Variants in EML4 observed in about 807,000 individuals in gnomAD.
EML4 encodes echinoderm microtubule-associated protein-like 4.
EML4 carries 72 observed loss-of-function variants against 129.0 expected under a neutral mutation model. That is an observed-to-expected ratio of 0.56 (90% CI 0.46 to 0.68). EML4 has a LOEUF of 0.68. Ranked by LOEUF, EML4 falls within the 30% of genes least tolerant of loss-of-function variation. The pLI, the probability that EML4 is intolerant of heterozygous loss-of-function variation, is 0.00. For missense variants in EML4, 1,363 were observed against 1,190.6 expected (o/e 1.14, Z -2.13); for synonymous variants, 532 against 405.0 (o/e 1.31, Z -3.77).
intron 3 of EML4, among the ~76,000 whole-genome samples, chr2:42,260,466 G>A (rs1198497675): frequency 3.9e-5 from 6 of 152,154 alleles, no homozygotes; most frequent in Admixed American, 2.0e-4. Flanking sequence ...GCGCCCAGCC[G>A]CCTCTGTGAT....
At chr2:42,232,279 T>C (rs1674397257) in intron 1 of EML4, among the ~76,000 whole-genome samples, 1 of 152,196 alleles carries the variant, frequency 6.6e-6, no homozygotes. Context: ...CTATATACTT[T>C]GATGTGCAAG....
In EML4 at chr2:42,326,202, A is replaced by G. The variant is rs1366933466; in HGVS notation, c.2291A>G (p.Lys764Arg). 6 of 1,613,888 alleles carry G rather than the reference A, an allele frequency of 3.7e-6. No individual in the cohort carries two copies. The highest frequency in any genetic ancestry group is 5.1e-6 in the Non-Finnish European group (6 of 1,179,866). ...CKLIRNRSDC[K>R]DIDWTTYTCV... ...CTAATCAGGAATCGATCGGATTGTA[A>G]GGACATTGATTGGACGACATATACC... The change falls in exon 21 of 23, where the codon AAG becomes AGG. Residue 764 changes from lysine (K) to arginine (R), a missense_variant. Transcript: ENST00000318522.
intron 1 of EML4, among the ~76,000 whole-genome samples, chr2:42,207,117 G>A (rs1347444823): frequency 3.9e-5 from 6 of 152,242 alleles, no homozygotes; most frequent in Admixed American, 2.0e-4. Flanking sequence ...ATATGTCAGC[G>A]TGATTATTGG....
chr2:42,187,624 A>G (rs951082568), intron 1 of EML4, among the ~76,000 whole-genome samples: 12 of 152,148 alleles, frequency 7.9e-5, no homozygotes, highest in Admixed American at 7.2e-4. Flanking sequence ...CCTAGCAACC[A>G]TGAATCTGTT....
intron 11 of EML4, among the ~76,000 whole-genome samples, chr2:42,292,352 A>G (rs1667696632): frequency 6.6e-6 from 1 of 152,240 alleles, no homozygotes; most frequent in Admixed American, 6.5e-5. Flanking sequence ...ATGGTAGCCA[A>G]AAACATGGAA....
intron 13 of EML4, among the ~76,000 whole-genome samples, chr2:42,297,868 T>C (rs1368419907): frequency 1.3e-5 from 2 of 152,214 alleles, no homozygotes; most frequent in Admixed American, 1.3e-4. Flanking sequence ...AAACTGTATT[T>C]TATGTCTTAA....
chr2:42,175,388 C>T (rs1485236692), intron 1 of EML4, among the ~76,000 whole-genome samples: 1 of 152,188 alleles, frequency 6.6e-6, no homozygotes, highest in Non-Finnish European at 1.5e-5. Context: ...GCTGGCATTA[C>T]AGACGTGAGC....
intron 1 of EML4, among the ~76,000 whole-genome samples, chr2:42,239,758 T>C (rs772185991): frequency 4.0e-4 from 48 of 120,370 alleles, no homozygotes; most frequent in Non-Finnish European, 6.5e-4. Flanking sequence ...TCCTACTCTA[T>C]AATAAAGGCG....
chr2:42,312,834 T>G lies in EML4; in HGVS notation c.1968-3128T>G, dbSNP rs1241515897. On this transcript the variant is annotated intron_variant, in intron 17 of 22. Transcript: ENST00000318522. ...TCTGAAAGTGCTGGGATTACAGGCA[T>G]GAGCCACTGCGCCTGGCCTGCCTGT... 6.6e-5 allele frequency among the ~76,000 whole-genome samples: 10 copies of G among 151,930 alleles called. No individual in the cohort carries two copies. In the East Asian group the frequency reaches 1.7e-3, roughly 26 times the overall value.
At chr2:42,296,333 T>C (rs1248790360) in intron 13 of EML4, among the ~76,000 whole-genome samples, 2 of 151,878 alleles carry the variant, frequency 1.3e-5, no homozygotes, top group African/African-American at 4.8e-5. Flanking sequence ...TCCTCAATAA[T>C]TCACCAAAAA....
intron 1 of EML4, among the ~76,000 whole-genome samples, chr2:42,213,604 G>A (rs1053144571): frequency 6.6e-6 from 1 of 152,178 alleles, no homozygotes; most frequent in African/African-American, 2.4e-5. Context: ...GATTGCAGAT[G>A]TGTGCCTCAA....
intron 3 of EML4, among the ~76,000 whole-genome samples, chr2:42,258,862 G>A (rs983707547): frequency 6.6e-6 from 1 of 152,176 alleles, no homozygotes; most frequent in Non-Finnish European, 1.5e-5. Flanking sequence ...GTGATAAATT[G>A]TATATACTAT....
intron 1 of EML4, among the ~76,000 whole-genome samples, chr2:42,227,612 G>C (rs115637779): frequency 0.012 from 1,780 of 151,930 alleles, 33 homozygotes; most frequent in African/African-American, 0.041. Context: ...AACAACACAG[G>C]TTTGAACTGT....
chr2:42,190,869 A>G (rs1234085298), intron 1 of EML4, among the ~76,000 whole-genome samples: 6 of 152,210 alleles, frequency 3.9e-5, no homozygotes, highest in Non-Finnish European at 5.9e-5. Context: ...ACTTTCACAT[A>G]TTGCAAAAAA....
At chr2:42,231,692 G>C (rs1558523199) in intron 1 of EML4, among the ~76,000 whole-genome samples, 1 of 152,180 alleles carries the variant, frequency 6.6e-6, no homozygotes, top group Non-Finnish European at 1.5e-5. Flanking sequence ...GCTCACACCT[G>C]TAGTCCCAGC....
At chr2:42,311,540 CA>C (rs564350526) in intron 17 of EML4, among the ~76,000 whole-genome samples, 3,602 of 137,612 alleles carry the variant, frequency 0.026, 57 homozygotes, top group South Asian at 0.036. Flanking sequence ...GACCCTGTCT[CA>C]AAAAAAAAAA....
intron 6 of EML4, among the ~76,000 whole-genome samples, chr2:42,268,866 C>T (rs1254072563): frequency 6.6e-6 from 1 of 152,156 alleles, no homozygotes; most frequent in African/African-American, 2.4e-5. Flanking sequence ...TGTAGAACTT[C>T]AAACTAGGCC....
chr2:42,204,705 C>T (rs964270993), intron 1 of EML4, among the ~76,000 whole-genome samples: 19 of 152,156 alleles, frequency 1.2e-4, no homozygotes, highest in Admixed American at 2.0e-4. Flanking sequence ...GGTAGTGTGC[C>T]AACAACTACT....
chr2:42,172,407 T>G (rs184582442), intron 1 of EML4, among the ~76,000 whole-genome samples: 1 of 152,136 alleles, frequency 6.6e-6, no homozygotes. Context: ...TAGGTAGTGG[T>G]TTTTTAAATC....
Sources: gnomAD v4.1 joint callset for allele counts (sites outside exome capture counted in the v4.1 genomes callset) on GRCh38, gnomAD v4.1.1 for gene constraint, MANE v1.5 for transcripts, NCBI Gene and HGNC (gene_info 2026-07-23, HGNC 2026-07-21) for gene names.